Variants in PPP2R5E observed in about 807,000 individuals in gnomAD.
PPP2R5E encodes the protein protein phosphatase 2 regulatory subunit B'epsilon, also known as serine/threonine-protein phosphatase 2A 56 kDa regulatory subunit epsilon isoform.
Under a neutral mutation model 65.3 loss-of-function variants are expected in PPP2R5E, and 4 were observed. The ratio of observed to expected loss-of-function variants is 0.06; its 90% CI spans 0.03 to 0.14. The LOEUF (loss-of-function observed/expected upper bound fraction) is 0.14, where lower values mean the gene tolerates loss of function less well. Among genes scored for constraint, PPP2R5E ranks in the 10% least tolerant of loss-of-function variants. PPP2R5E has a pLI of 1.00. For missense variants in PPP2R5E, 274 were observed against 556.1 expected, an observed-to-expected ratio of 0.49 and a Z score of 5.10; for synonymous variants, 183 against 187.4, an observed-to-expected ratio of 0.98 and a Z score of 0.19.
chr14:63,514,075 A>C (rs1892566450), intron 2 of PPP2R5E, among the ~76,000 whole-genome samples: 2 of 152,210 alleles, frequency 1.3e-5, no homozygotes, highest in Non-Finnish European at 2.9e-5. Context: ...TAAGCCCCAG[A>C]TATGACAGGA....
chr14:63,470,816 C>A (rs771592262), intron 2 of PPP2R5E, among the ~76,000 whole-genome samples: 1 of 147,688 alleles, frequency 6.8e-6, no homozygotes. Flanking sequence ...CACAGAAAGA[C>A]CTCCGTCTCT....
intron 3 of PPP2R5E, among the ~76,000 whole-genome samples, chr14:63,426,941 T>C (rs1398372127): frequency 6.6e-6 from 1 of 152,152 alleles, no homozygotes; most frequent in Admixed American, 6.5e-5. Context: ...TTAGTCCAAT[T>C]TGGGAAAAGG....
chr14:63,525,867 CT>C (rs1056801768), intron 2 of PPP2R5E, among the ~76,000 whole-genome samples: 26 of 152,014 alleles, frequency 1.7e-4, no homozygotes, highest in South Asian at 8.3e-4. Context: ...TTCTTCCTGT[CT>C]TTTTTTTGAG....
intron 2 of PPP2R5E, among the ~76,000 whole-genome samples, chr14:63,480,525 A>G (rs1177801965): frequency 6.6e-6 from 1 of 152,188 alleles, no homozygotes; most frequent in African/African-American, 2.4e-5. Context: ...AGTTCAATGC[A>G]GCCTCCAACT....
chr14:63,516,097 C>T (rs1039564465), intron 2 of PPP2R5E, among the ~76,000 whole-genome samples: 2 of 152,130 alleles, frequency 1.3e-5, no homozygotes, highest in Non-Finnish European at 2.9e-5. Flanking sequence ...GATCCGCCCA[C>T]CTCCGCCTCC....
intron 10 of PPP2R5E, 73 bp from the exon 11 acceptor site, chr14:63,389,804 TGA>T (rs1884902742): frequency 3.6e-6 from 5 of 1,389,160 alleles, no homozygotes; most frequent in Middle Eastern, 1.9e-4. Context: ...GGAGGATTAA[TGA>T]GAGTTTGGAT....
chr14:63,454,988 T>G (rs182191715), intron 2 of PPP2R5E, among the ~76,000 whole-genome samples: 207 of 152,292 alleles, frequency 1.4e-3, no homozygotes, highest in African/African-American at 4.6e-3. Context: ...AGTGCCCAGG[T>G]CTCTAACCAC....
At chr14:63,493,210 G>GTT (rs398057162) in intron 2 of PPP2R5E, among the ~76,000 whole-genome samples, 1 of 143,604 alleles carries the variant, frequency 7.0e-6, no homozygotes, top group African/African-American at 2.5e-5. Context: ...TTGGTGGGTT[G>GTT]TTTTTTTTTT....
intron 3 of PPP2R5E, among the ~76,000 whole-genome samples, chr14:63,441,639 C>G (rs190630230): frequency 6.6e-6 from 1 of 152,274 alleles, no homozygotes; most frequent in East Asian, 1.9e-4. Flanking sequence ...CAGCAGGGCG[C>G]GGTGGTTCAC....
chr14:63,400,313 A>C (rs1885672630), intron 5 of PPP2R5E, among the ~76,000 whole-genome samples: 2 of 152,214 alleles, frequency 1.3e-5, no homozygotes, highest in Admixed American at 1.3e-4. Context: ...ATGTTGTATA[A>C]ATACACAGCA....
At chr14:63,498,721 C>G (rs1891706592) in intron 2 of PPP2R5E, among the ~76,000 whole-genome samples, 1 of 151,984 alleles carries the variant, frequency 6.6e-6, no homozygotes, top group Non-Finnish European at 1.5e-5. Context: ...ACTGATCCAG[C>G]CTTAAATAAT....
chr14:63,525,933 T>C (rs915601229), intron 2 of PPP2R5E, among the ~76,000 whole-genome samples: 1 of 152,204 alleles, frequency 6.6e-6, no homozygotes, highest in African/African-American at 2.4e-5. Context: ...CTCAGCTCAC[T>C]GCAACCTCCG....
chr14:63,512,173 C>T (rs1156748440), intron 2 of PPP2R5E, among the ~76,000 whole-genome samples: 2 of 151,028 alleles, frequency 1.3e-5, no homozygotes, highest in Admixed American at 6.6e-5. Flanking sequence ...TCCCACACAC[C>T]ATTTTTGAAA....
rs535159354 is a variant in PPP2R5E, at chr14:63,467,345, T to C, written c.158-13460A>G. Among the ~76,000 whole-genome samples the C allele has an allele frequency of 4.6e-5, 7 of 152,230 alleles. No homozygotes were observed. The South Asian group carries it at 1.0e-3, about 22-fold the overall frequency. On this transcript the variant is annotated intron_variant, in intron 2 of 13. Transcript: ENST00000337537. ...AGACAGTCACTGAAACCTAAAGATA[T>C]GCATGCTTACAGTGCAATTCTAAGC... is the stretch of plus-strand genomic sequence containing the variant.
At chr14:63,388,088 C>T (rs574956100) in intron 11 of PPP2R5E, among the ~76,000 whole-genome samples, 8 of 151,768 alleles carry the variant, frequency 5.3e-5, no homozygotes, top group East Asian at 1.9e-4. Flanking sequence ...TTCTGAGTAA[C>T]GCTTAGGCCT....
chr14:63,476,866 A>T (rs1393110323), intron 2 of PPP2R5E, among the ~76,000 whole-genome samples: 1 of 152,210 alleles, frequency 6.6e-6, no homozygotes, highest in Non-Finnish European at 1.5e-5. Context: ...ACTTTATTAT[A>T]CCTGACTAGT....
intron 5 of PPP2R5E, among the ~76,000 whole-genome samples, chr14:63,404,519 ATCAGAACGAC>A (rs1440189401): frequency 6.6e-6 from 1 of 152,208 alleles, no homozygotes; most frequent in Non-Finnish European, 1.5e-5. Flanking sequence ...ACTCCAGTGA[ATCAGAACGAC>A]TCAAGGGATG....
intron 10 of PPP2R5E, among the ~76,000 whole-genome samples, chr14:63,390,261 C>A (rs1566668035): frequency 3.3e-5 from 5 of 151,236 alleles, no homozygotes; most frequent in Non-Finnish European, 1.5e-5. Context: ...GCAGGTGCCA[C>A]TTCAAACCCA....
chr14:63,488,861 T>C (rs540457590), intron 2 of PPP2R5E, among the ~76,000 whole-genome samples: 4 of 150,466 alleles, frequency 2.7e-5, no homozygotes, highest in Admixed American at 6.6e-5. Context: ...ATAAATAAAT[T>C]AATTTAATTA....
Sources: gnomAD v4.1 joint callset for allele counts (sites outside exome capture counted in the v4.1 genomes callset) on GRCh38, gnomAD v4.1.1 for gene constraint, MANE v1.5 for transcripts, NCBI Gene and HGNC (gene_info 2026-07-23, HGNC 2026-07-21) for gene names.